The following ELMO1 variants were observed in gnomAD, a reference collection of about 807,000 sequenced individuals.
ELMO1 encodes engulfment and cell motility 1.
Under a neutral mutation model 98.9 loss-of-function variants are expected in ELMO1, and 26 were observed. The observed-to-expected ratio is 0.26, with a 90% CI of 0.19 to 0.36. ELMO1 has a LOEUF of 0.36. Among genes scored for constraint, ELMO1 ranks in the 10% least tolerant of loss-of-function variants. The pLI is 1.00. For synonymous variants in ELMO1, 346 were observed against 346.0 expected (o/e 1.00, Z 0.00); for missense variants, 627 against 935.2 (o/e 0.67, Z 4.30).
In ELMO1 at chr7:37,214,809, C is replaced by A. The variant is rs527824912; in HGVS notation, c.832-1352G>T. 9.2e-5 allele frequency among the ~76,000 whole-genome samples: 14 copies of A among 152,348 alleles called. No homozygotes were observed. The South Asian group carries it at 2.9e-3, about 32-fold the overall frequency. On this transcript the variant is annotated intron_variant, in intron 11 of 21. Transcript: ENST00000310758. The stretch of plus-strand genomic sequence containing the variant: ...ACTCGAAAGTACTGCACTCCAAGTT[C>A]TTGCAGGAGAGTACCAACCTCGAAC...
At chr7:37,287,142 G>A (rs1450164001) in intron 4 of ELMO1, among the ~76,000 whole-genome samples, 9 of 150,682 alleles carry the variant, frequency 6.0e-5, no homozygotes, top group South Asian at 4.2e-4. Flanking sequence ...GCAATGAGCC[G>A]AGATCACGCC....
At chr7:37,380,605 T>C (rs1207897721) in intron 1 of ELMO1, among the ~76,000 whole-genome samples, 1 of 152,330 alleles carries the variant, frequency 6.6e-6, no homozygotes, top group East Asian at 1.9e-4. Flanking sequence ...TCAGAAGTAG[T>C]TGTGTTCTAT....
rs1217111170 is a variant in ELMO1, at chr7:37,267,011, TAAAAAAA to T, written c.243+4814_243+4820del. On this transcript the variant is annotated intron_variant, in intron 5 of 21. Transcript: ENST00000310758. Reference sequence around the variant, plus strand: ...CTGGGCGACAGAGCAAGACTCCATCTAAAAAAAAAAAAAAAATATGTATATATACACA... The same window carrying T: ...CTGGGCGACAGAGCAAGACTCCATCTAAAAAAAAATATGTATATATACACA... Among the ~76,000 whole-genome samples the T allele has an allele frequency of 1.5e-3, 103 of 67,796 alleles. 3 individuals carry two copies. Among genetic ancestry groups the T allele is most frequent in the African/African-American group, 5.2e-3 (100 of 19,048 alleles). 44.5% of individuals were successfully genotyped at this position (67,796 alleles called of 152,430 possible).
At chr7:37,441,874 A>G (rs1805429218) in intron 1 of ELMO1, among the ~76,000 whole-genome samples, 1 of 152,226 alleles carries the variant, frequency 6.6e-6, no homozygotes, top group Non-Finnish European at 1.5e-5. Flanking sequence ...GAGGAAAGAA[A>G]TGAACATAAA....
At chr7:37,310,651 C>T (rs909935837) in intron 4 of ELMO1, among the ~76,000 whole-genome samples, 4 of 152,192 alleles carry the variant, frequency 2.6e-5, no homozygotes, top group Middle Eastern at 3.4e-3. Flanking sequence ...AGGCAGTTAC[C>T]ATTAGGATCA....
At chr7:37,179,240 A>G (rs183190852) in intron 13 of ELMO1, among the ~76,000 whole-genome samples, 120 of 152,178 alleles carry the variant, frequency 7.9e-4, no homozygotes, top group Non-Finnish European at 1.4e-3. Flanking sequence ...ATGTGGCTTA[A>G]AAGTAATCCA....
intron 16 of ELMO1, among the ~76,000 whole-genome samples, chr7:36,924,117 C>T (rs1262400346): frequency 5.3e-5 from 8 of 152,222 alleles, no homozygotes; most frequent in Non-Finnish European, 1.0e-4. Context: ...CTTCTAAATA[C>T]CACTTGTTTC....
At chr7:36,918,138 T>A (rs184307004) in intron 16 of ELMO1, among the ~76,000 whole-genome samples, 1 of 151,668 alleles carries the variant, frequency 6.6e-6, no homozygotes, top group East Asian at 1.9e-4. Flanking sequence ...AGAGGAACAA[T>A]AACAAAATAA....
chr7:37,209,650 A>G (rs1028350945), intron 13 of ELMO1, among the ~76,000 whole-genome samples: 4 of 152,188 alleles, frequency 2.6e-5, no homozygotes, highest in Non-Finnish European at 5.9e-5. Flanking sequence ...AGTGACCTCG[A>G]TATGTCTTGC....
intron 14 of ELMO1, among the ~76,000 whole-genome samples, chr7:37,101,486 G>C (rs1003003856): frequency 1.3e-5 from 2 of 152,200 alleles, no homozygotes; most frequent in African/African-American, 4.8e-5. Flanking sequence ...CTAAATAGGG[G>C]AGGGGGAGTT....
rs544266101 is a variant in ELMO1, at chr7:37,244,275, ATCAG to A, written c.449+77_449+80del. 2,973 of 1,421,000 alleles carry A rather than the reference ATCAG, an allele frequency of 2.1e-3. 4 individuals are homozygous for A. Among genetic ancestry groups the A allele is most frequent in the Non-Finnish European group, 2.6e-3 (2,712 of 1,032,728 alleles). The allele number at this position is 1,421,000 out of a possible 1,614,324, so 88.0% of individuals were successfully genotyped here. On this transcript the variant is annotated intron_variant, in intron 7 of 21. Coordinates refer to ENST00000310758, the MANE Select transcript of ELMO1 (RefSeq NM_014800.11). ...AAAATACTAGATGCATAGTTATACA[ATCAG>A]TCAGATGACAGGGCTCAATTATGCA...
intron 16 of ELMO1, among the ~76,000 whole-genome samples, chr7:36,915,443 G>A (rs1292153516): frequency 6.6e-6 from 1 of 151,998 alleles, no homozygotes; most frequent in Non-Finnish European, 1.5e-5. Context: ...AAGGATTCTA[G>A]TCAGAAGAGA....
rs1478350270 is a variant in ELMO1 at position 37,191,066 on chromosome 7, G to A, written c.1086+20320C>T. ...TAGCCGGGTGTGGTGGTGGGCGCCT[G>A]TGGTCCCAGCTACTCAGGAGGCTGA... On this transcript the variant is annotated intron_variant, in intron 13 of 21. Coordinates refer to ENST00000310758, the MANE Select transcript of ELMO1 (RefSeq NM_014800.11). Among the ~76,000 whole-genome samples the A allele has an allele frequency of 2.0e-5, 3 of 151,370 alleles. 1 individual carries two copies. The highest frequency in any genetic ancestry group is 3.9e-4 in the East Asian group (2 of 5,086).
At chr7:36,862,510 A>G (rs1285168292) in intron 20 of ELMO1, among the ~76,000 whole-genome samples, 1 of 152,272 alleles carries the variant, frequency 6.6e-6, no homozygotes. Flanking sequence ...ACTCAGTGCC[A>G]TGTCTAATAT....
At chr7:37,081,861 C>G (rs985137172) in intron 15 of ELMO1, among the ~76,000 whole-genome samples, 2 of 152,144 alleles carry the variant, frequency 1.3e-5, no homozygotes, top group Admixed American at 6.5e-5. Flanking sequence ...CCCTGCGAGG[C>G]CTTACATTTG....
At chr7:37,256,134 G>A (rs1795629183) in intron 6 of ELMO1, among the ~76,000 whole-genome samples, 1 of 152,062 alleles carries the variant, frequency 6.6e-6, no homozygotes, top group Non-Finnish European at 1.5e-5. Flanking sequence ...CCCTCTCGCT[G>A]ATTCAAGCTC....
At chr7:37,199,192 A>C (rs1792145509) in intron 13 of ELMO1, among the ~76,000 whole-genome samples, 1 of 152,242 alleles carries the variant, frequency 6.6e-6, no homozygotes, top group South Asian at 2.1e-4. Flanking sequence ...ACCATTCCTG[A>C]GAAATTGTGT....
At chr7:36,908,069 G>A (rs1784086939) in intron 16 of ELMO1, among the ~76,000 whole-genome samples, 1 of 152,192 alleles carries the variant, frequency 6.6e-6, no homozygotes, top group South Asian at 2.1e-4. Context: ...ATGTCCTTGT[G>A]AAAATTATTT....
intron 14 of ELMO1, among the ~76,000 whole-genome samples, chr7:37,119,321 T>G (rs934279313): frequency 7.9e-5 from 12 of 152,166 alleles, no homozygotes; most frequent in African/African-American, 2.9e-4. Context: ...CTGGGAACAT[T>G]GAAGGGAAAT....
Sources: gnomAD v4.1 joint callset for allele counts (sites outside exome capture counted in the v4.1 genomes callset) on GRCh38, gnomAD v4.1.1 for gene constraint, MANE v1.5 for transcripts, NCBI Gene and HGNC (gene_info 2026-07-23, HGNC 2026-07-21) for gene names.